SERPINA1: variants seen among roughly 807,000 people sequenced by gnomAD.
The protein encoded by SERPINA1 is serpin family A member 1, also known as alpha-1-antitrypsin.
Under a neutral mutation model 25.4 loss-of-function variants are expected in SERPINA1, and 21 were observed. The ratio of observed to expected loss-of-function variants is 0.83; its 90% CI spans 0.59 to 1.19. The LOEUF (loss-of-function observed/expected upper bound fraction) is 1.19. Ranked by LOEUF, SERPINA1 falls within the 50% of genes most tolerant of loss-of-function variation. SERPINA1 has a pLI of 0.00. For synonymous variants in SERPINA1, 218 were observed against 211.1 expected (o/e 1.03, Z -0.29); for missense variants, 546 against 509.0 (o/e 1.07, Z -0.70).
At chr14:94,381,285 C>A in intron 2 of SERPINA1, 144 bp from the exon 3 acceptor site, 2 of 810,110 alleles carry the variant, frequency 2.5e-6, no homozygotes, top group South Asian at 1.6e-5. Flanking sequence ...GCTTCATCAT[C>A]TGTAAAAGGT....
chr14:94,378,998 C>T lies in SERPINA1; in HGVS notation c.1066-358G>A, dbSNP rs1896627989. The stretch of plus-strand genomic sequence containing the variant: ...CAGTGACCTTCACAGTGCCCAGACC[C>T]CAAGATAATGCAGCCATTCATGGAA... On this transcript the variant is annotated intron_variant, in intron 4 of 4. Transcript: ENST00000393087. The T allele has an allele frequency of 1.5e-5, 8 of 538,550 alleles. No individual in the cohort carries two copies. In the South Asian group the frequency reaches 1.8e-4, roughly 12 times the overall value. The allele number at this position is 538,550 out of a possible 1,614,324, so 33.4% of individuals were successfully genotyped here. A position where few individuals can be genotyped will look rare whatever the true frequency, so the allele number is the denominator to read the frequency against.
At chr14:94,379,637 G>A (rs750828699) in intron 3 of SERPINA1, 26 bp from the exon 4 acceptor site, 12 of 1,614,034 alleles carry the variant, frequency 7.4e-6, no homozygotes, top group Non-Finnish European at 9.3e-6. Context: ...GAAATTCAAG[G>A]CATGGCACAG....
intron 1 of SERPINA1, chr14:94,383,453 TG>T (rs1897104530): frequency 1.7e-6 from 1 of 592,740 alleles, no homozygotes; most frequent in African/African-American, 1.9e-5. Flanking sequence ...CGTGCTCACA[TG>T]TGTTAATTCA....
At chr14:94,388,111 G>A (rs1011473559) in intron 1 of SERPINA1, among the ~76,000 whole-genome samples, 9 of 152,100 alleles carry the variant, frequency 5.9e-5, no homozygotes, top group Non-Finnish European at 1.2e-4. Flanking sequence ...TCTATAGAAG[G>A]GGAGAAAGAT....
intron 1 of SERPINA1, among the ~76,000 whole-genome samples, chr14:94,386,245 G>A (rs1897278346): frequency 6.6e-6 from 1 of 152,212 alleles, no homozygotes; most frequent in South Asian, 2.1e-4. Flanking sequence ...CCAAAAGAAT[G>A]AAGGCTTCAT....
At chr14:94,380,692 G>A in intron 3 of SERPINA1, 179 bp downstream of exon 3, 2 of 749,132 alleles carry the variant, frequency 2.7e-6, no homozygotes, top group South Asian at 1.6e-5. Flanking sequence ...GAGCATGGAT[G>A]GCGCTGCCTG....
At chr14:94,379,680 T>G in intron 3 of SERPINA1, 69 bp from the exon 4 acceptor site, 6 of 1,606,140 alleles carry the variant, frequency 3.7e-6, no homozygotes, top group Non-Finnish European at 5.1e-6. Context: ...CCCACCACAG[T>G]GCAAGTGTTT....
Position 94,382,855 on chromosome 14 carries a change from T to C in SERPINA1, c.383A>G (p.Asn128Ser). The C allele has an allele frequency of 6.2e-7, 1 of 1,614,128 alleles. No homozygotes were observed. The highest frequency in any genetic ancestry group is 1.1e-5 in the South Asian group (1 of 91,082). ...CAGCTGGAGCTGGCTGTCTGGCTGGTTGAGGGTACGGAGGAGTTCCTGGAA... is the reference window on the plus strand; with the variant it reads ...CAGCTGGAGCTGGCTGTCTGGCTGGCTGAGGGTACGGAGGAGTTCCTGGAA... The part of the protein sequence containing the change: ...EGFQELLRTL[N>S]QPDSQLQLTT... Residue 128 changes from asparagine (N) to serine (S), a missense_variant, in exon 2 of 5, where the codon AAC becomes AGC. By Grantham distance (46) the Asn-to-Ser change is conservative. Coordinates refer to ENST00000393087, the MANE Select transcript of SERPINA1 (RefSeq NM_000295.5).
At chr14:94,389,404 C>T (rs190239460), upstream of SERPINA1, among the ~76,000 whole-genome samples, 86 of 152,274 alleles carry the variant, frequency 5.6e-4, 1 homozygote, top group African/African-American at 1.9e-3. Context: ...GCTTAGTCTG[C>T]CCCCCAGGCT....
rs1381633271 is a variant in SERPINA1 at position 94,382,357 on chromosome 14, C to G, written c.646+235G>C. Among the ~76,000 whole-genome samples the G allele has an allele frequency of 2.0e-5, 3 of 152,206 alleles. No homozygotes were observed. In the East Asian group the frequency reaches 5.8e-4, roughly 29 times the overall value. On this transcript the variant is annotated intron_variant, in intron 2 of 4. Transcript: ENST00000393087. The stretch of plus-strand genomic sequence containing the variant: ...ACAGTATACACAAGGACATTAAAGG[C>G]TCTGAAAAGTTCTGCAGAGCTGTCA...
rs1896514185 is a variant in SERPINA1, at chr14:94,378,374, C to T, written c.*75G>A. On this transcript the variant is annotated 3_prime_UTR_variant, in exon 5 of 5. Transcript: ENST00000393087. ...TTTACAGTCACATGCAGGCAGGGAC[C>T]AGCTCAACCCTTCTTTAATGTCATC... The T allele has an allele frequency of 2.3e-6, 3 of 1,283,328 alleles. No individual in the cohort carries two copies. In the Admixed American group the frequency reaches 5.1e-5, roughly 22 times the overall value. 79.5% of individuals were successfully genotyped at this position (1,283,328 alleles called of 1,614,324 possible). A position where few individuals can be genotyped will look rare whatever the true frequency, so the allele number is the denominator to read the frequency against.
chr14:94,378,792 C>T (rs1218776537), intron 4 of SERPINA1, 152 bp from the exon 5 acceptor site: 2 of 860,286 alleles, frequency 2.3e-6, no homozygotes, highest in Middle Eastern at 3.3e-4. Context: ...CTTGCTCCTC[C>T]TCAAGGCTTT....
chr14:94,378,973 C>T, intron 4 of SERPINA1: 1 of 550,718 alleles, frequency 1.8e-6, no homozygotes, highest in East Asian at 3.1e-5. Flanking sequence ...CGGACCCTGG[C>T]AGTGACCTTC....
chr14:94,383,027 T>C lies in SERPINA1; in HGVS notation c.211A>G (p.Ser71Gly). 1 of 1,612,358 alleles carries C rather than the reference T, an allele frequency of 6.2e-7. No individual in the cohort carries two copies. Among genetic ancestry groups the C allele is most frequent in the Non-Finnish European group, 8.5e-7 (1 of 1,178,422 alleles). The change falls in exon 2 of 5, where the codon AGC (serine) becomes GGC (glycine). Residue 71 changes from serine to glycine, a missense_variant. Coordinates refer to ENST00000393087, the MANE Select transcript of SERPINA1 (RefSeq NM_000295.5). Reference protein sequence around the residue: ...LYRQLAHQSNSTNIFFSPVSI... With the variant: ...LYRQLAHQSNGTNIFFSPVSI... ...ACTGGGGAGAAGAAGATATTGGTGC[T>C]GTTGGACTGGTGTGCCAGCTGGCGG...
At chr14:94,383,358 G>C in intron 1 of SERPINA1, 117 bp from the exon 2 acceptor site, 1 of 1,076,206 alleles carries the variant, frequency 9.3e-7, no homozygotes. Context: ...CCTGTGCCAA[G>C]TACTTGCCGA....
chr14:94,382,970 G>C lies in SERPINA1; in HGVS notation c.268C>G (p.Leu90Val), dbSNP rs1433266173. 6 of 1,608,150 alleles carry C rather than the reference G, an allele frequency of 3.7e-6. No individual in the cohort carries two copies. Among genetic ancestry groups the C allele is most frequent in the Non-Finnish European group, 4.3e-6 (5 of 1,175,604 alleles). The change falls in exon 2 of 5, where the codon CTG becomes GTG. Residue 90 changes from leucine (L) to valine (V), a missense_variant. Coordinates refer to ENST00000393087, the MANE Select transcript of SERPINA1 (RefSeq NM_000295.5). ...TCGTGAGTGTCAGCCTTGGTCCCCA[G>C]GGAGAGCATTGCAAAGGCTGTAGCG... ...SIATAFAMLS[L>V]GTKADTHDEI...
chr14:94,384,268 GC>G (rs1399770783), intron 1 of SERPINA1: 1 of 152,114 alleles, frequency 6.6e-6, no homozygotes, highest in African/African-American at 2.4e-5. Context: ...TCCTCATTTT[GC>G]CTCATACATA....
At chr14:94,385,340 T>A (rs972093604) in intron 1 of SERPINA1, among the ~76,000 whole-genome samples, 4 of 152,242 alleles carry the variant, frequency 2.6e-5, no homozygotes, top group Admixed American at 2.6e-4. Context: ...GTTTTTGGGT[T>A]TTTTTTGAGA....
At position 94,380,864 on chromosome 14, in the gene SERPINA1, G is replaced by A. The variant is rs768145386; in HGVS notation, c.917+7C>T. 2 of 1,614,202 alleles carry A rather than the reference G, an allele frequency of 1.2e-6. No individual in the cohort carries two copies. Among genetic ancestry groups the A allele is most frequent in the Non-Finnish European group, 1.7e-6 (2 of 1,180,036 alleles). ...GCTTCTTGGTCACCCTCAGGTTGGGGAATCACCTTCTGTCTTCATTTTCCA... is the reference window on the plus strand; with the variant it reads ...GCTTCTTGGTCACCCTCAGGTTGGGAAATCACCTTCTGTCTTCATTTTCCA... On this transcript the variant is annotated splice_region_variant and intron_variant, in intron 3 of 4. Transcript: ENST00000393087.
Sources: gnomAD v4.1 joint callset for allele counts (sites outside exome capture counted in the v4.1 genomes callset) on GRCh38, gnomAD v4.1.1 for gene constraint, MANE v1.5 for transcripts, NCBI Gene and HGNC (gene_info 2026-07-23, HGNC 2026-07-21) for gene names.